Variants in THADA observed in about 807,000 individuals in gnomAD.
THADA encodes THADA armadillo repeat containing.
THADA carries 213 observed loss-of-function variants against 219.8 expected under a neutral mutation model. The ratio of observed to expected loss-of-function variants is 0.97; its 90% CI spans 0.87 to 1.09. The LOEUF is 1.09. THADA is among the 50% of genes least tolerant of loss of function. The pLI, the probability that THADA is intolerant of heterozygous loss-of-function variation, is 0.00. For synonymous variants in THADA, 1,018 were observed against 828.9 expected, an observed-to-expected ratio of 1.23 and a Z score of -3.92; for missense variants, 2,956 against 2,311.3, an observed-to-expected ratio of 1.28 and a Z score of -5.72.
rs143173851 is a variant in THADA at position 43,471,058 on chromosome 2, T to C, written c.3836+14176A>G. On this transcript the variant is annotated intron_variant, in intron 26 of 37. Coordinates refer to ENST00000405975, the MANE Select transcript of THADA (RefSeq NM_022065.5). ...GGCCTACTGAAAACATACAGGTGTT[T>C]TTCTTCAATTCACACTTGGACTCAG... Among the ~76,000 whole-genome samples the C allele has an allele frequency of 3.3e-4, 50 of 152,298 alleles. 1 individual carries two copies. In the East Asian group the frequency reaches 8.9e-3, roughly 27 times the overall value.
At chr2:43,487,806 C>T (rs1015975472) in intron 25 of THADA, among the ~76,000 whole-genome samples, 16 of 152,144 alleles carry the variant, frequency 1.1e-4, no homozygotes, top group African/African-American at 3.6e-4. Flanking sequence ...ACTGAATCTG[C>T]CACCATATTG....
At chr2:43,315,627 G>C (rs1351968724) in intron 31 of THADA, among the ~76,000 whole-genome samples, 1 of 151,802 alleles carries the variant, frequency 6.6e-6, no homozygotes, top group Non-Finnish European at 1.5e-5. Context: ...ACCATGTCCA[G>C]CTAATTAAAA....
At chr2:43,398,217 T>G (rs1674344664) in intron 28 of THADA, 78 bp from the exon 29 acceptor site, 1 of 1,464,716 alleles carries the variant, frequency 6.8e-7, no homozygotes, top group Admixed American at 1.8e-5. Flanking sequence ...ACATTCTATC[T>G]AGCATGGCCT....
At chr2:43,417,547 GA>G (rs1359555374) in intron 28 of THADA, among the ~76,000 whole-genome samples, 1 of 152,090 alleles carries the variant, frequency 6.6e-6, no homozygotes, top group Non-Finnish European at 1.5e-5. Flanking sequence ...TTTCAGATTA[GA>G]AAATGAGACT....
chr2:43,398,052 G>T lies in THADA; in HGVS notation c.4146C>A (p.Thr1382=). The T allele has an allele frequency of 6.2e-7, 1 of 1,613,988 alleles. No homozygotes were observed. The highest frequency in any genetic ancestry group is 8.5e-7 in the Non-Finnish European group (1 of 1,179,854). ...GGAGTGTGGACAACAGAGTTCGAAT[G>T]GTATTAGGAATGTGATCTATCATAA... The part of the protein sequence containing the change: ...PFVMIDHIPN[T]IRTLLSTLPS... Residue 1382 remains threonine (T), a synonymous_variant, in exon 29 of 38, where the codon ACC becomes ACA. Coordinates refer to ENST00000405975, the MANE Select transcript of THADA (RefSeq NM_022065.5).
chr2:43,465,621 T>A (rs917655539), intron 26 of THADA, among the ~76,000 whole-genome samples: 3 of 152,228 alleles, frequency 2.0e-5, no homozygotes, highest in African/African-American at 7.2e-5. Flanking sequence ...ATACTCAATG[T>A]CTGCTGAGGG....
At chr2:43,356,717 T>A (rs1274854614) in intron 29 of THADA, among the ~76,000 whole-genome samples, 3 of 152,192 alleles carry the variant, frequency 2.0e-5, no homozygotes, top group Non-Finnish European at 2.9e-5. Flanking sequence ...AACAATCCAA[T>A]AAGTATTTAT....
intron 30 of THADA, among the ~76,000 whole-genome samples, chr2:43,321,171 T>C (rs985160335): frequency 8.5e-5 from 13 of 152,348 alleles, no homozygotes; most frequent in Non-Finnish European, 1.3e-4. Flanking sequence ...TACAAAAGGA[T>C]GAAGAAAGAC....
intron 36 of THADA, among the ~76,000 whole-genome samples, chr2:43,239,270 T>A (rs1668375742): frequency 6.6e-6 from 1 of 152,176 alleles, no homozygotes; most frequent in Admixed American, 6.5e-5. Flanking sequence ...GGGCTCCCCA[T>A]CCAAGGCAGA....
At chr2:43,268,320 T>G (rs1382213049) in intron 36 of THADA, among the ~76,000 whole-genome samples, 1 of 152,158 alleles carries the variant, frequency 6.6e-6, no homozygotes, top group Non-Finnish European at 1.5e-5. Context: ...ACTGGGGCTG[T>G]GTACTCTTTA....
intron 21 of THADA, among the ~76,000 whole-genome samples, chr2:43,530,773 C>A (rs1245011631): frequency 1.3e-5 from 2 of 152,108 alleles, no homozygotes; most frequent in Non-Finnish European, 2.9e-5. Context: ...TCGAAGAGGT[C>A]TAAAACAAAA....
At position 43,233,161 on chromosome 2, in the gene THADA, T is replaced by C. The variant is rs1465734624; in HGVS notation, c.5297-279A>G. 3 of 376,284 alleles carry C rather than the reference T, an allele frequency of 8.0e-6. No homozygotes were observed. The East Asian group carries it at 1.3e-4, about 16-fold the overall frequency. The allele number at this position is 376,284 out of a possible 1,614,324, so 23.3% of individuals were successfully genotyped here. ...CCATCTGCAGGATTAGAGAGTTATC[T>C]CCCCTCTGCTCCTCCAGTGTCACCA... On this transcript the variant is annotated intron_variant, in intron 36 of 37. Coordinates refer to ENST00000405975, the MANE Select transcript of THADA (RefSeq NM_022065.5).
In THADA at chr2:43,552,210, G is replaced by C. The variant is rs1170915198; in HGVS notation, c.2804C>G (p.Ser935Cys). The C allele has an allele frequency of 3.1e-6, 5 of 1,607,102 alleles. No homozygotes were observed. The highest frequency in any genetic ancestry group is 4.2e-6 in the Non-Finnish European group (5 of 1,177,818). ...HCITGALQKL[S>C]LNSLQLVSEW... is the part of the protein sequence containing the mutation. ...CAGCTGTGGAAATCCTTACTTTAGA[G>C]ATAACTTCTGCAAAGCTCCTGTTAT... The change falls in exon 18 of 38, where the codon TCT becomes TGT. Residue 935 changes from serine (S) to cysteine (C), a missense_variant. By Grantham distance (112) the Ser-to-Cys change is moderately radical. Coordinates refer to ENST00000405975, the MANE Select transcript of THADA (RefSeq NM_022065.5).
At chr2:43,262,764 G>A (rs1671102626) in intron 36 of THADA, among the ~76,000 whole-genome samples, 1 of 152,214 alleles carries the variant, frequency 6.6e-6, no homozygotes, top group Non-Finnish European at 1.5e-5. Context: ...GCTACTCCAA[G>A]TATGATCCCC....
intron 22 of THADA, among the ~76,000 whole-genome samples, chr2:43,520,713 TACACACACACAC>T (rs145550774): frequency 1.5e-4 from 19 of 125,126 alleles, no homozygotes; most frequent in African/African-American, 4.8e-4. Flanking sequence ...TATATATATA[TACACACACACAC>T]ACACACACAC....
At chr2:43,532,180 G>A (rs1352098987) in intron 21 of THADA, among the ~76,000 whole-genome samples, 1 of 151,972 alleles carries the variant, frequency 6.6e-6, no homozygotes, top group Non-Finnish European at 1.5e-5. Context: ...GGGAGGCTGA[G>A]GCTGGTGGAT....
At chr2:43,357,487 C>G (rs187134652) in intron 29 of THADA, among the ~76,000 whole-genome samples, 2 of 152,158 alleles carry the variant, frequency 1.3e-5, no homozygotes, top group African/African-American at 4.8e-5. Flanking sequence ...ATGGAAGACA[C>G]GCACTTTCTT....
Position 43,571,233 on chromosome 2 carries a change from C to G in THADA, c.2064+474G>C, listed in dbSNP as rs544004704. On this transcript the variant is annotated intron_variant, in intron 13 of 37. Coordinates refer to ENST00000405975, the MANE Select transcript of THADA (RefSeq NM_022065.5). ...ATCACACCACTGCACTCCAGCCTGG[C>G]TGACAGAGCAAGACTATTTTTTTTT... Among the ~76,000 whole-genome samples, 265 of 148,926 alleles carry G rather than the reference C, an allele frequency of 1.8e-3. 2 individuals carry two copies. Among genetic ancestry groups the G allele is most frequent in the Non-Finnish European group, 2.1e-3 (142 of 67,576 alleles).
chr2:43,479,223 C>T (rs1284194510), intron 26 of THADA, among the ~76,000 whole-genome samples: 1 of 152,146 alleles, frequency 6.6e-6, no homozygotes, highest in African/African-American at 2.4e-5. Context: ...ATTACTGTTG[C>T]TAACAGAAAC....
Sources: gnomAD v4.1 joint callset for allele counts (sites outside exome capture counted in the v4.1 genomes callset) on GRCh38, gnomAD v4.1.1 for gene constraint, MANE v1.5 for transcripts, NCBI Gene and HGNC (gene_info 2026-07-23, HGNC 2026-07-21) for gene names.